The following MYO3B variants were observed in gnomAD, a reference collection of about 807,000 sequenced individuals.
The protein encoded by MYO3B is myosin-IIIb.
Under a neutral mutation model 174.6 loss-of-function variants are expected in MYO3B, and 156 were observed. That is an observed-to-expected ratio of 0.89 (90% CI 0.78 to 1.02). The LOEUF (loss-of-function observed/expected upper bound fraction) is 1.02, where lower values mean the gene tolerates loss of function less well. Among genes scored for constraint, MYO3B ranks in the 50% least tolerant of loss-of-function variants. The pLI is 0.00. For synonymous variants in MYO3B, 563 were observed against 569.1 expected (o/e 0.99, Z 0.15); for missense variants, 1,632 against 1,639.4 (o/e 1.00, Z 0.08).
At chr2:170,457,712 GT>G (rs1334217706) in intron 23 of MYO3B, among the ~76,000 whole-genome samples, 6 of 152,042 alleles carry the variant, frequency 3.9e-5, no homozygotes, top group Admixed American at 3.9e-4. Context: ...AATGTTTTTT[GT>G]TTTGTTTTTA....
intron 1 of MYO3B, among the ~76,000 whole-genome samples, chr2:170,191,359 A>G (rs978013120): frequency 6.6e-6 from 1 of 152,108 alleles, no homozygotes; most frequent in African/African-American, 2.4e-5. Flanking sequence ...TTGCATACCC[A>G]TCAAGTCCAC....
chr2:170,413,503 A>G (rs2094558672), intron 22 of MYO3B, among the ~76,000 whole-genome samples: 1 of 152,194 alleles, frequency 6.6e-6, no homozygotes, highest in South Asian at 2.1e-4. Flanking sequence ...TGAAGAGCAC[A>G]GCTTTAGGGT....
At chr2:170,454,081 C>T (rs1683770946) in intron 23 of MYO3B, among the ~76,000 whole-genome samples, 1 of 152,224 alleles carries the variant, frequency 6.6e-6, no homozygotes, top group African/African-American at 2.4e-5. Context: ...AACACACACA[C>T]AACAAAGACA....
At chr2:170,570,641 C>T (rs559688993) in intron 32 of MYO3B, among the ~76,000 whole-genome samples, 2 of 152,076 alleles carry the variant, frequency 1.3e-5, no homozygotes, top group South Asian at 4.1e-4. Context: ...TGCTTTTTGG[C>T]GGTTTTCCTT....
chr2:170,377,753 A>G lies in MYO3B; in HGVS notation c.972-4263A>G, dbSNP rs186405684. ...ATAAAAACAAGTAGGAAATCTAAGAAAAGCAATATAAACTTTACTGGAATT... is the reference window on the plus strand; with the variant it reads ...ATAAAAACAAGTAGGAAATCTAAGAGAAGCAATATAAACTTTACTGGAATT... On this transcript the variant is annotated intron_variant, in intron 9 of 34. Coordinates refer to ENST00000408978, the MANE Select transcript of MYO3B (RefSeq NM_138995.5). Among the ~76,000 whole-genome samples the G allele has an allele frequency of 1.8e-4, 28 of 152,356 alleles. No individual in the cohort carries two copies. The East Asian group carries it at 5.0e-3, about 27-fold the overall frequency.
chr2:170,431,529 A>C (rs1339143939), intron 22 of MYO3B, among the ~76,000 whole-genome samples: 2 of 152,232 alleles, frequency 1.3e-5, no homozygotes, highest in African/African-American at 4.8e-5. Context: ...GCTGTAGTTT[A>C]TATTCTAAAG....
chr2:170,623,035 G>C (rs568436675), intron 32 of MYO3B, among the ~76,000 whole-genome samples: 19 of 152,112 alleles, frequency 1.2e-4, no homozygotes, highest in African/African-American at 3.9e-4. Context: ...GTAAACATAC[G>C]TGTGCATGTG....
chr2:170,180,623 A>G (rs1230130193), intron 1 of MYO3B, among the ~76,000 whole-genome samples: 1 of 152,172 alleles, frequency 6.6e-6, no homozygotes, highest in Non-Finnish European at 1.5e-5. Flanking sequence ...AGAATAACAT[A>G]TGCACTAGCA....
At chr2:170,456,488 T>C (rs1339366804) in intron 23 of MYO3B, among the ~76,000 whole-genome samples, 1 of 152,118 alleles carries the variant, frequency 6.6e-6, no homozygotes, top group African/African-American at 2.4e-5. Flanking sequence ...GAGACCTTGA[T>C]TCTTCTTCAG....
chr2:170,644,275 A>G (rs1698203015), intron 32 of MYO3B, among the ~76,000 whole-genome samples: 1 of 151,692 alleles, frequency 6.6e-6, no homozygotes, highest in Admixed American at 6.6e-5. Flanking sequence ...AATCTATCTA[A>G]CTGTGTGTCT....
At chr2:170,205,553 C>G (rs1465639748) in intron 3 of MYO3B, among the ~76,000 whole-genome samples, 1 of 152,132 alleles carries the variant, frequency 6.6e-6, no homozygotes, top group Non-Finnish European at 1.5e-5. Context: ...GGAGCAAAGA[C>G]TATTGATATT....
rs556134492 is a variant in MYO3B, at chr2:170,282,781, G to A, written c.749+46645G>A. Among the ~76,000 whole-genome samples, 23 of 152,146 alleles carry A rather than the reference G, an allele frequency of 1.5e-4. No individual in the cohort carries two copies. The South Asian group carries it at 3.7e-3, about 25-fold the overall frequency. On this transcript the variant is annotated intron_variant, in intron 7 of 34. Coordinates refer to ENST00000408978, the MANE Select transcript of MYO3B (RefSeq NM_138995.5). ...TGGGTGCAGTAGCAGTGCAGTGAGT[G>A]GGGAAAGCCTATTCTTAAAGTGCAT...
At chr2:170,270,043 C>T (rs2093414715) in intron 7 of MYO3B, among the ~76,000 whole-genome samples, 1 of 152,144 alleles carries the variant, frequency 6.6e-6, no homozygotes, top group African/African-American at 2.4e-5. Flanking sequence ...GATTATTATG[C>T]ACAATATAGT....
At chr2:170,440,115 T>C (rs1380989781) in intron 22 of MYO3B, among the ~76,000 whole-genome samples, 1 of 152,216 alleles carries the variant, frequency 6.6e-6, no homozygotes, top group African/African-American at 2.4e-5. Flanking sequence ...GAAGAGATTA[T>C]TTTACCCCAT....
At chr2:170,455,252 C>T (rs185560147) in intron 23 of MYO3B, among the ~76,000 whole-genome samples, 174 of 152,260 alleles carry the variant, frequency 1.1e-3, no homozygotes, top group African/African-American at 4.0e-3. Flanking sequence ...TGTTTCAAAG[C>T]AAAACTATAA....
chr2:170,400,256 T>C lies in MYO3B; in HGVS notation c.1860T>C (p.Ile620=). 2 of 1,614,110 alleles carry C rather than the reference T, an allele frequency of 1.2e-6. No homozygotes were observed. Among genetic ancestry groups the C allele is most frequent in the Admixed American group, 1.7e-5 (1 of 60,024 alleles). The change falls in exon 17 of 35, where the codon ATT becomes ATC. Residue 620 remains isoleucine, a synonymous_variant. Coordinates refer to ENST00000408978, the MANE Select transcript of MYO3B (RefSeq NM_138995.5). The part of the protein sequence containing the change: ...LNIGNIEFAA[I]SSQHQTDKSE... Reference sequence around the variant, plus strand: ...TTGGGAACATTGAGTTCGCAGCTATTTCCTCTCAACATCAGACTGATAAAA... The same window carrying C: ...TTGGGAACATTGAGTTCGCAGCTATCTCCTCTCAACATCAGACTGATAAAA...
chr2:170,416,834 T>C (rs1488919333), intron 22 of MYO3B, among the ~76,000 whole-genome samples: 3 of 71,116 alleles, frequency 4.2e-5, no homozygotes, highest in Non-Finnish European at 9.6e-5. Flanking sequence ...TTTTTTTTTT[T>C]TTTTTTTGAG....
At chr2:170,517,147 C>A (rs990669010) in intron 29 of MYO3B, among the ~76,000 whole-genome samples, 1 of 152,218 alleles carries the variant, frequency 6.6e-6, no homozygotes, top group Non-Finnish European at 1.5e-5. Flanking sequence ...TCTCCCTGTT[C>A]TTCAGCAAAG....
At chr2:170,368,479 T>A (rs1451910186) in intron 8 of MYO3B, among the ~76,000 whole-genome samples, 1 of 152,248 alleles carries the variant, frequency 6.6e-6, no homozygotes, top group East Asian at 1.9e-4. Context: ...CAGCAAAATG[T>A]ACTGAATCAT....
Sources: gnomAD v4.1 joint callset for allele counts (sites outside exome capture counted in the v4.1 genomes callset) on GRCh38, gnomAD v4.1.1 for gene constraint, MANE v1.5 for transcripts, NCBI Gene and HGNC (gene_info 2026-07-23, HGNC 2026-07-21) for gene names.